The following NRXN1 variants were observed in gnomAD, a reference collection of about 807,000 sequenced individuals.
NRXN1 encodes the protein neurexin-1.
A neutral mutation model predicts 150.9 loss-of-function variants in NRXN1; 39 were observed. The observed-to-expected ratio is 0.26, with a 90% confidence interval of 0.20 to 0.34. NRXN1 has a LOEUF of 0.34. Ranked by LOEUF, NRXN1 falls within the 10% of genes least tolerant of loss-of-function variation. The probability of loss-of-function intolerance (pLI) is 1.00; values close to 1 mark genes in which losing one functional copy is unlikely to be tolerated. For synonymous variants in NRXN1, 924 were observed against 757.0 expected (o/e 1.22, Z -3.62); for missense variants, 1,815 against 1,949.9 (o/e 0.93, Z 1.30).
At chr2:50,128,365 T>A (rs1704925146) in intron 18 of NRXN1, among the ~76,000 whole-genome samples, 1 of 152,218 alleles carries the variant, frequency 6.6e-6, no homozygotes, top group South Asian at 2.1e-4. Context: ...CTTTAGCCAA[T>A]TAAGTTAAAT....
chr2:50,845,869 C>A lies in NRXN1; in HGVS notation c.832+76000G>T, dbSNP rs116531416. Among the ~76,000 whole-genome samples the A allele has an allele frequency of 6.3e-3, 966 of 152,132 alleles. 5 individuals carry two copies. Among genetic ancestry groups the A allele is most frequent in the African/African-American group, 0.019 (790 of 41,494 alleles). On this transcript the variant is annotated intron_variant, in intron 5 of 22. Transcript: ENST00000401669. The stretch of plus-strand genomic sequence containing the variant: ...TTTATATTTTCTGAGGGAAAAAAAA[C>A]CAGAAAATTTATGTGAAAGCTCACT...
intron 17 of NRXN1, among the ~76,000 whole-genome samples, chr2:50,261,891 T>C (rs893235932): frequency 1.3e-5 from 2 of 151,886 alleles, no homozygotes; most frequent in Non-Finnish European, 2.9e-5. Flanking sequence ...CCTTGCTTTG[T>C]GACTTTGCCA....
chr2:50,657,031 TA>T (rs1686581617), intron 5 of NRXN1, among the ~76,000 whole-genome samples: 2 of 152,134 alleles, frequency 1.3e-5, no homozygotes, highest in Admixed American at 1.3e-4. Context: ...ATAAAAACTC[TA>T]AAGAAACATA....
chr2:50,254,359 G>C (rs1272839174), intron 17 of NRXN1, among the ~76,000 whole-genome samples: 1 of 150,002 alleles, frequency 6.7e-6, no homozygotes, highest in East Asian at 1.9e-4. Flanking sequence ...TTTTTCAAAA[G>C]ACCAGCTCCT....
chr2:50,122,981 G>A (rs1005742792), intron 18 of NRXN1, among the ~76,000 whole-genome samples: 1 of 152,188 alleles, frequency 6.6e-6, no homozygotes, highest in African/African-American at 2.4e-5. Context: ...TCTTCTCTCT[G>A]TTTGCTAGAG....
chr2:50,956,581 A>G (rs1420965234), intron 2 of NRXN1, among the ~76,000 whole-genome samples: 3 of 151,994 alleles, frequency 2.0e-5, no homozygotes, highest in Non-Finnish European at 4.4e-5. Flanking sequence ...AACCCTGTCT[A>G]TACTAAAAAT....
At chr2:50,018,684 A>G (rs1045302924) in intron 21 of NRXN1, among the ~76,000 whole-genome samples, 1 of 152,234 alleles carries the variant, frequency 6.6e-6, no homozygotes, top group Non-Finnish European at 1.5e-5. Flanking sequence ...GTTTTTATAG[A>G]TCAAGGCTGC....
At chr2:50,697,883 A>C (rs1455764859) in intron 5 of NRXN1, among the ~76,000 whole-genome samples, 1 of 152,062 alleles carries the variant, frequency 6.6e-6, no homozygotes, top group African/African-American at 2.4e-5. Context: ...GTTCCCCCAA[A>C]GTAGACAGCT....
chr2:50,980,561 T>C (rs951452211), intron 2 of NRXN1, among the ~76,000 whole-genome samples: 66 of 152,090 alleles, frequency 4.3e-4, no homozygotes, highest in Non-Finnish European at 7.1e-4. Flanking sequence ...TTTATGAAGG[T>C]AATAACCACT....
chr2:50,924,084 A>G (rs1466184859), intron 3 of NRXN1, among the ~76,000 whole-genome samples: 4 of 151,744 alleles, frequency 2.6e-5, no homozygotes, highest in African/African-American at 9.7e-5. Context: ...ATATTTTTTC[A>G]TTTAATTTCA....
At chr2:50,800,852 T>C (rs1479260228) in intron 5 of NRXN1, among the ~76,000 whole-genome samples, 5 of 152,066 alleles carry the variant, frequency 3.3e-5, no homozygotes, top group Admixed American at 6.6e-5. Context: ...GCCTGGCCAA[T>C]AATGGGATTT....
chr2:50,407,472 C>T (rs1432114028), intron 17 of NRXN1, among the ~76,000 whole-genome samples: 1 of 152,124 alleles, frequency 6.6e-6, no homozygotes, highest in African/African-American at 2.4e-5. Flanking sequence ...CTCCTAAAGA[C>T]TCCTATGGCT....
intron 5 of NRXN1, among the ~76,000 whole-genome samples, chr2:50,907,025 T>C (rs533908694): frequency 6.6e-6 from 1 of 152,088 alleles, no homozygotes; most frequent in South Asian, 2.1e-4. Flanking sequence ...CAGAATTGCA[T>C]TTCTCCAAGG....
intron 19 of NRXN1, among the ~76,000 whole-genome samples, chr2:50,086,162 A>G (rs998970148): frequency 6.6e-6 from 1 of 152,216 alleles, no homozygotes. Context: ...TTGAAAAATT[A>G]AATTAAACAA....
rs114977506 is a variant in NRXN1 at position 50,259,411 on chromosome 2, G to C, written c.3365-22441C>G. 4.7e-3 allele frequency among the ~76,000 whole-genome samples: 717 copies of C among 151,884 alleles called. 7 individuals carry two copies. The highest frequency in any genetic ancestry group is 0.016 in the African/African-American group (678 of 41,504). On this transcript the variant is annotated intron_variant, in intron 17 of 22. Transcript: ENST00000401669. Reference sequence around the variant, plus strand: ...AAACATGATGCTTAAGTAATATAAGGGGTTTGTTATGTTAGAATTTAGCTA... The same window carrying C: ...AAACATGATGCTTAAGTAATATAAGCGGTTTGTTATGTTAGAATTTAGCTA...
chr2:50,208,240 C>A (rs904336375), intron 18 of NRXN1, among the ~76,000 whole-genome samples: 1 of 152,146 alleles, frequency 6.6e-6, no homozygotes, highest in Non-Finnish European at 1.5e-5. Flanking sequence ...GTGGGCAGAC[C>A]TCTTATGTAC....
intron 2 of NRXN1, among the ~76,000 whole-genome samples, chr2:50,985,185 C>T (rs746624168): frequency 4.6e-5 from 7 of 151,844 alleles, no homozygotes; most frequent in Non-Finnish European, 7.4e-5. Flanking sequence ...GACAAAAATG[C>T]TGTAGGTTTG....
intron 8 of NRXN1, chr2:50,588,759 C>A (rs754272111): frequency 6.6e-6 from 1 of 152,144 alleles, no homozygotes; most frequent in African/African-American, 2.4e-5. Context: ...ATGAACCCTA[C>A]GGCTCAGAGT....
chr2:50,345,662 G>A (rs2077897593), intron 17 of NRXN1, among the ~76,000 whole-genome samples: 1 of 152,202 alleles, frequency 6.6e-6, no homozygotes, highest in Non-Finnish European at 1.5e-5. Flanking sequence ...CTGAAAATTA[G>A]AGGAATCTGG....
Sources: gnomAD v4.1 joint callset for allele counts (sites outside exome capture counted in the v4.1 genomes callset) on GRCh38, gnomAD v4.1.1 for gene constraint, MANE v1.5 for transcripts, NCBI Gene and HGNC (gene_info 2026-07-23, HGNC 2026-07-21) for gene names.